The following OCRL variants were observed in gnomAD, a reference collection of about 807,000 sequenced individuals.
OCRL encodes OCRL inositol polyphosphate-5-phosphatase.
OCRL carries 8 observed loss-of-function variants against 78.9 expected under a neutral mutation model. That is an observed-to-expected ratio of 0.10 (90% CI 0.06 to 0.18). OCRL has a LOEUF of 0.18. Ranked by LOEUF, OCRL falls within the 10% of genes least tolerant of loss-of-function variation. The probability of loss-of-function intolerance (pLI) is 1.00; values close to 1 mark genes in which losing one functional copy is unlikely to be tolerated. For missense variants in OCRL, 454 were observed against 696.7 expected, an observed-to-expected ratio of 0.65 and a Z score of 3.92; for synonymous variants, 240 against 235.4, an observed-to-expected ratio of 1.02 and a Z score of -0.18.
intron 9 of OCRL, among the ~76,000 whole-genome samples, chrX:129,560,909 C>T (rs1936136444): frequency 8.9e-6 from 1 of 112,628 alleles, no homozygotes; most frequent in Non-Finnish European, 1.9e-5. Context: ...CTAACAGTGA[C>T]AGTTCCTAGG....
At chrX:129,589,098 A>T in intron 22 of OCRL, 85 bp downstream of exon 22, 1 of 1,054,939 alleles carries the variant, frequency 9.5e-7, no homozygotes, top group Non-Finnish European at 1.3e-6. Context: ...ATAGGCAGCC[A>T]GCTGTCTGGT....
At chrX:129,569,028 A>G (rs377452827) in intron 14 of OCRL, among the ~76,000 whole-genome samples, 3 of 112,450 alleles carry the variant, frequency 2.7e-5, no homozygotes, top group East Asian at 2.8e-4. Flanking sequence ...TTGAGCACCT[A>G]CTTTGCACCA....
At position 129,564,896 on chromosome X, in the gene OCRL, G is replaced by A. The variant is rs192696748; in HGVS notation, c.1245-876G>A. Among the ~76,000 whole-genome samples the A allele has an allele frequency of 1.1e-3, 117 of 111,236 alleles. 1 individual carries two copies. Among genetic ancestry groups the A allele is most frequent in the African/African-American group, 3.5e-3 (106 of 30,648 alleles). On this transcript the variant is annotated intron_variant, in intron 12 of 23. Transcript: ENST00000371113. ...AAATAAAATTTAAAAAATTAATATA[G>A]AGAGTAGAGTCATTGGGGAAAGAGG...
chrX:129,560,949 C>G (rs913067774), intron 9 of OCRL, among the ~76,000 whole-genome samples: 1 of 112,582 alleles, frequency 8.9e-6, no homozygotes, highest in African/African-American at 3.2e-5. Flanking sequence ...CTGTTATCCT[C>G]TGTGGGAGGT....
At position 129,540,362 on chromosome X, in the gene OCRL, T is replaced by G. The variant is rs1602762028; in HGVS notation, c.-78T>G. 1 of 1,026,740 alleles carries G rather than the reference T, an allele frequency of 9.7e-7. No homozygotes were observed. The highest frequency in any genetic ancestry group is 1.3e-6 in the Non-Finnish European group (1 of 758,009). The allele number at this position is 1,026,740 out of a possible 1,213,427, so 84.6% of individuals were successfully genotyped here. A position where few individuals can be genotyped will look rare whatever the true frequency, so the allele number is the denominator to read the frequency against. On this transcript the variant is annotated 5_prime_UTR_variant, in exon 1 of 24. Coordinates refer to ENST00000371113, the MANE Select transcript of OCRL (RefSeq NM_000276.4). ...TCAAACGACACGCAGCCGAGGTGGGTGGGTGTGGGGACGCGGGAGCCAGTG... is the reference window on the plus strand; with the variant it reads ...TCAAACGACACGCAGCCGAGGTGGGGGGGTGTGGGGACGCGGGAGCCAGTG...
intron 18 of OCRL, 102 bp downstream of exon 18, chrX:129,576,654 G>A (rs1203416923): frequency 1.2e-5 from 7 of 599,740 alleles, no homozygotes; most frequent in Admixed American, 2.6e-5. Flanking sequence ...TTTTGGCCAC[G>A]GGGGATGTCA....
chrX:129,540,685 G>A (rs376819290), intron 1 of OCRL, 59 bp from the exon 2 acceptor site: 68 of 969,842 alleles, frequency 7.0e-5, no homozygotes, highest in Non-Finnish European at 9.7e-5. Context: ...CCTTCGCCCC[G>A]CAGTGCACCA....
At chrX:129,583,345 A>G (rs1936469332) in intron 18 of OCRL, among the ~76,000 whole-genome samples, 1 of 111,950 alleles carries the variant, frequency 8.9e-6, no homozygotes, top group Admixed American at 9.5e-5. Flanking sequence ...CTGTCCAGGA[A>G]GCAGTCACAT....
rs776617019 is a variant in OCRL, at chrX:129,576,382, G to A, written c.1945G>A (p.Gly649Arg). 4.1e-6 allele frequency: 5 copies of A among 1,211,155 alleles called. No homozygotes were observed. Among genetic ancestry groups the A allele is most frequent in the Non-Finnish European group, 5.6e-6 (5 of 895,000 alleles). Reference sequence around the variant, plus strand: ...AGACTCTGTAACCATCCTGAACTCGGGAGAAGATAAGATTGAAGATATTCT... The same window carrying A: ...AGACTCTGTAACCATCCTGAACTCGAGAGAAGATAAGATTGAAGATATTCT... The part of the protein sequence containing the change: ...SKDSVTILNS[G>R]EDKIEDILVL... The change falls in exon 18 of 24, where the codon GGA (glycine) becomes AGA (arginine). Residue 649 changes from glycine to arginine, a missense_variant. Gly to Arg is a moderately radical substitution (Grantham distance 125). Coordinates refer to ENST00000371113, the MANE Select transcript of OCRL (RefSeq NM_000276.4).
At chrX:129,547,357 C>G (rs1374008480) in intron 3 of OCRL, among the ~76,000 whole-genome samples, 1 of 109,169 alleles carries the variant, frequency 9.2e-6, no homozygotes, top group African/African-American at 3.3e-5. Context: ...AACCCCGTCT[C>G]TACTAAAAAT....
At chrX:129,576,731 G>C (rs943435616) in intron 18 of OCRL, among the ~76,000 whole-genome samples, 179 bp downstream of exon 18, 3 of 111,797 alleles carry the variant, frequency 2.7e-5, no homozygotes, top group African/African-American at 9.7e-5. Context: ...AAAGAGGGGG[G>C]ACTAATCTGC....
intron 12 of OCRL, among the ~76,000 whole-genome samples, chrX:129,564,055 G>T (rs759932104): frequency 2.5e-3 from 269 of 109,745 alleles, no homozygotes; most frequent in African/African-American, 8.3e-3. Context: ...CAAAAAGTGG[G>T]CAAAGGACAT....
In OCRL at chrX:129,576,229, G is replaced by A. The variant is rs899361072; in HGVS notation, c.1880-88G>A. 1.2e-5 allele frequency: 12 copies of A among 967,597 alleles called. No homozygotes were observed. The African/African-American group carries it at 1.7e-4, about 14-fold the overall frequency. The allele number at this position is 967,597 out of a possible 1,213,427, so 79.7% of individuals were successfully genotyped here. Reference sequence around the variant, plus strand: ...CCCTCATTGCTTAATGATTTTTTTAGAGGACACTTTTCTGTTGGTTCTTAT... The same window carrying A: ...CCCTCATTGCTTAATGATTTTTTTAAAGGACACTTTTCTGTTGGTTCTTAT... On this transcript the variant is annotated intron_variant, in intron 17 of 23. Coordinates refer to ENST00000371113, the MANE Select transcript of OCRL (RefSeq NM_000276.4).
At chrX:129,581,831 T>TTCTCTCTCTCTCTCTCTCTC (rs753415077) in intron 18 of OCRL, among the ~76,000 whole-genome samples, 1 of 65,592 alleles carries the variant, frequency 1.5e-5, no homozygotes, top group African/African-American at 8.3e-5. Context: ...CCCTTTGTCT[T>TTCTCTCTCTCTCTCTCTCTC]TCTCTCTCTC....
At chrX:129,540,632 G>T (rs1935779002) in intron 1 of OCRL, 112 bp from the exon 2 acceptor site, 4 of 699,215 alleles carry the variant, frequency 5.7e-6, no homozygotes, top group Non-Finnish European at 8.6e-6. Flanking sequence ...GCAGGGCGGG[G>T]CGGGGCGGGG....
intron 21 of OCRL, among the ~76,000 whole-genome samples, chrX:129,588,677 G>A (rs1351525166): frequency 8.9e-6 from 1 of 111,971 alleles, no homozygotes; most frequent in African/African-American, 3.2e-5. Context: ...CTGAAGCTGG[G>A]CCAAAGCTGC....
At chrX:129,577,092 A>G (rs180824946) in intron 18 of OCRL, among the ~76,000 whole-genome samples, 1 of 111,520 alleles carries the variant, frequency 9.0e-6, no homozygotes, top group Admixed American at 9.5e-5. Context: ...GCATAGAACT[A>G]TCCTGGAACC....
chrX:129,583,153 G>C (rs1936466887), intron 18 of OCRL, among the ~76,000 whole-genome samples: 1 of 111,706 alleles, frequency 9.0e-6, no homozygotes, highest in South Asian at 3.8e-4. Flanking sequence ...GCTCTATGAA[G>C]TTTGGTAACT....
intron 12 of OCRL, 123 bp from the exon 13 acceptor site, chrX:129,565,649 C>G (rs185492217): frequency 1.8e-6 from 1 of 542,976 alleles, no homozygotes; most frequent in Non-Finnish European, 3.2e-6. Context: ...CAACTTTAAA[C>G]CCCTTGTGAG....
Sources: gnomAD v4.1 joint callset for allele counts (sites outside exome capture counted in the v4.1 genomes callset) on GRCh38, gnomAD v4.1.1 for gene constraint, MANE v1.5 for transcripts, NCBI Gene and HGNC (gene_info 2026-07-23, HGNC 2026-07-21) for gene names.